Variants in PPM1L observed in about 807,000 individuals in gnomAD.
The protein encoded by PPM1L is protein phosphatase, Mg2+/Mn2+ dependent 1L.
In PPM1L, 13 loss-of-function variants were observed where a neutral mutation model predicts 31.4. The observed-to-expected ratio is 0.41, with a 90% CI of 0.27 to 0.66. PPM1L has a LOEUF of 0.66. Among genes scored for constraint, PPM1L ranks in the 30% least tolerant of loss-of-function variants. The pLI, the probability that PPM1L is intolerant of heterozygous loss-of-function variation, is 0.29. For missense variants in PPM1L, 326 were observed against 453.7 expected (o/e 0.72, Z 2.56); for synonymous variants, 184 against 175.4 (o/e 1.05, Z -0.39).
chr3:161,072,852 A>G lies in PPM1L; in HGVS notation c.*3695A>G, dbSNP rs749998842. 2 of 152,230 alleles carry G rather than the reference A, an allele frequency of 1.3e-5. No individual in the cohort carries two copies. Among genetic ancestry groups the G allele is most frequent in the Non-Finnish European group, 1.5e-5 (1 of 68,046 alleles). The allele number at this position is 152,230 out of a possible 1,614,324, so 9.4% of individuals were successfully genotyped here. A position where few individuals can be genotyped will look rare whatever the true frequency, so the allele number is the denominator to read the frequency against. ...ATATACTTTGTATAAAACTTTTCCAATGATTTCAGAAATTCTTTTTTCCTC... is the reference window on the plus strand; with the variant it reads ...ATATACTTTGTATAAAACTTTTCCAGTGATTTCAGAAATTCTTTTTTCCTC... On this transcript the variant is annotated 3_prime_UTR_variant, in exon 4 of 4. Transcript: ENST00000498165.
At chr3:160,788,884 T>C (rs1420433230) in intron 1 of PPM1L, among the ~76,000 whole-genome samples, 1 of 151,978 alleles carries the variant, frequency 6.6e-6, no homozygotes, top group East Asian at 1.9e-4. Flanking sequence ...TTACTTTTCA[T>C]GAAGCCAGTG....
intron 1 of PPM1L, among the ~76,000 whole-genome samples, chr3:160,878,468 A>G (rs1174708782): frequency 6.6e-6 from 1 of 152,134 alleles, no homozygotes; most frequent in Non-Finnish European, 1.5e-5. Context: ...GTGTCCTCAC[A>G]TGGTGGAGAG....
At chr3:161,035,095 G>A (rs1718707045) in intron 2 of PPM1L, among the ~76,000 whole-genome samples, 1 of 151,042 alleles carries the variant, frequency 6.6e-6, no homozygotes, top group South Asian at 2.1e-4. Flanking sequence ...GGGGTGGGGG[G>A]CAAGGGGAAG....
At chr3:160,763,842 GA>G (rs1715034408) in intron 1 of PPM1L, among the ~76,000 whole-genome samples, 1 of 152,144 alleles carries the variant, frequency 6.6e-6, no homozygotes, top group Non-Finnish European at 1.5e-5. Flanking sequence ...GAAAGAGAGG[GA>G]GAGGATGTGA....
Position 160,944,858 on chromosome 3 carries a change from T to A in PPM1L, c.400-16878T>A, listed in dbSNP as rs537290327. ...TATATATGTTATATATAACATATAT[T>A]ATATATAATGTTATATATAACATAT... On this transcript the variant is annotated intron_variant, in intron 1 of 3. Coordinates refer to ENST00000498165, the MANE Select transcript of PPM1L (RefSeq NM_139245.4). Among the ~76,000 whole-genome samples the A allele has an allele frequency of 2.6e-4, 10 of 39,096 alleles. 2 individuals are homozygous for A. The highest frequency in any genetic ancestry group is 5.7e-4 in the Admixed American group (2 of 3,494). The allele number at this position is 39,096 out of a possible 152,430, so 25.6% of individuals were successfully genotyped here. A position where few individuals can be genotyped will look rare whatever the true frequency, so the allele number is the denominator to read the frequency against.
At chr3:160,972,646 G>A (rs1326053308) in intron 2 of PPM1L, among the ~76,000 whole-genome samples, 1 of 152,118 alleles carries the variant, frequency 6.6e-6, no homozygotes, top group Admixed American at 6.5e-5. Flanking sequence ...TGTGAATAAT[G>A]CTGCAATAAA....
chr3:160,871,487 G>C (rs546430112), intron 1 of PPM1L, among the ~76,000 whole-genome samples: 2 of 152,304 alleles, frequency 1.3e-5, no homozygotes, highest in East Asian at 3.9e-4. Flanking sequence ...AAGAGATTAA[G>C]ATTAGAGAAG....
intron 2 of PPM1L, among the ~76,000 whole-genome samples, chr3:161,037,086 G>A (rs2108085648): frequency 6.6e-6 from 1 of 152,278 alleles, no homozygotes; most frequent in East Asian, 1.9e-4. Flanking sequence ...ATGTCCACAA[G>A]TTATTTGATA....
intron 1 of PPM1L, among the ~76,000 whole-genome samples, chr3:160,819,091 G>A (rs1713080100): frequency 6.6e-6 from 1 of 151,838 alleles, no homozygotes; most frequent in Admixed American, 6.6e-5. Flanking sequence ...CCATAATGAT[G>A]GTAGACAGTA....
rs374022635 is a variant in PPM1L at position 161,061,036 on chromosome 3, TC to T, written c.575-4364del. Among the ~76,000 whole-genome samples, 347 of 152,232 alleles carry T rather than the reference TC, an allele frequency of 2.3e-3. 1 individual carries two copies. The highest frequency in any genetic ancestry group is 7.9e-3 in the African/African-American group (327 of 41,556). On this transcript the variant is annotated intron_variant, in intron 2 of 3. Coordinates refer to ENST00000498165, the MANE Select transcript of PPM1L (RefSeq NM_139245.4). ...TGGGCATAATGTCTTTTCTGGAGTT[TC>T]CCAGCAACAAGCAGTTTGTTCTGTC...
At chr3:160,981,772 A>G (rs1716808444) in intron 2 of PPM1L, among the ~76,000 whole-genome samples, 1 of 147,544 alleles carries the variant, frequency 6.8e-6, no homozygotes. Flanking sequence ...TTATTTATTT[A>G]TTTTTATTGA....
chr3:160,915,750 T>C (rs929815670), intron 1 of PPM1L, among the ~76,000 whole-genome samples: 9 of 152,070 alleles, frequency 5.9e-5, no homozygotes, highest in Non-Finnish European at 8.8e-5. Flanking sequence ...TCAGAAATAA[T>C]GCTGCATATC....
At chr3:160,855,334 G>A (rs1014497857) in intron 1 of PPM1L, among the ~76,000 whole-genome samples, 6 of 152,052 alleles carry the variant, frequency 3.9e-5, no homozygotes, top group Admixed American at 2.6e-4. Context: ...TCTTAATGAA[G>A]ACACCAAAAG....
intron 1 of PPM1L, among the ~76,000 whole-genome samples, chr3:160,890,710 T>G (rs748135417): frequency 6.6e-6 from 1 of 152,236 alleles, no homozygotes. Context: ...GGCATCATGC[T>G]ACCTGACTTC....
rs561653299 is a variant in PPM1L at position 160,881,121 on chromosome 3, A to C, written c.400-80615A>C. Among the ~76,000 whole-genome samples, 100 of 152,236 alleles carry C rather than the reference A, an allele frequency of 6.6e-4. 1 individual carries two copies. The highest frequency in any genetic ancestry group is 3.2e-3 in the Middle Eastern group (1 of 316). On this transcript the variant is annotated intron_variant, in intron 1 of 3. Transcript: ENST00000498165. ...AAACTCTCTAAGGTAATATTCTTCT[A>C]ACTTAAAGAATATCATTGCATACCT...
chr3:160,954,900 CTTCCTTCCTTCCTTCCTTCCTTCT>C lies in PPM1L; in HGVS notation c.400-6812_400-6789del, dbSNP rs202199562. Among the ~76,000 whole-genome samples the C allele has an allele frequency of 1.8e-3, 220 of 120,570 alleles. 5 individuals are homozygous for C. Among genetic ancestry groups the C allele is most frequent in the Middle Eastern group, 4.5e-3 (1 of 224 alleles). The allele number at this position is 120,570 out of a possible 152,430, so 79.1% of individuals were successfully genotyped here. ...GTTTTTGTTTTCCCTTTCTTTCTTC[CTTCCTTCCTTCCTTCCTTCCTTCT>C]TTCCTTCCTTCCTTCCTTCCTTCCT... On this transcript the variant is annotated intron_variant, in intron 1 of 3. Transcript: ENST00000498165.
intron 2 of PPM1L, among the ~76,000 whole-genome samples, chr3:161,062,955 C>G (rs530245058): frequency 6.6e-6 from 1 of 152,024 alleles, no homozygotes; most frequent in Non-Finnish European, 1.5e-5. Flanking sequence ...AAGCCAAGGT[C>G]GGCGACATGC....
intron 1 of PPM1L, among the ~76,000 whole-genome samples, chr3:160,860,936 A>G (rs1439398923): frequency 6.6e-6 from 1 of 152,208 alleles, no homozygotes; most frequent in Non-Finnish European, 1.5e-5. Context: ...ACCTCCAAAT[A>G]TCATCACATT....
chr3:160,993,196 T>C (rs1216695630), intron 2 of PPM1L, among the ~76,000 whole-genome samples: 1 of 152,182 alleles, frequency 6.6e-6, no homozygotes, highest in Non-Finnish European at 1.5e-5. Context: ...GTAAAAATGA[T>C]ATTCCTGCTA....
Sources: gnomAD v4.1 joint callset for allele counts (sites outside exome capture counted in the v4.1 genomes callset) on GRCh38, gnomAD v4.1.1 for gene constraint, MANE v1.5 for transcripts, NCBI Gene and HGNC (gene_info 2026-07-23, HGNC 2026-07-21) for gene names.